Variants in SGCB observed in about 807,000 individuals in gnomAD.
SGCB encodes the protein beta-sarcoglycan.
A neutral mutation model predicts 27.3 loss-of-function variants in SGCB; 25 were observed. The ratio of observed to expected loss-of-function variants is 0.92; its 90% CI spans 0.67 to 1.28. The LOEUF (loss-of-function observed/expected upper bound fraction) is 1.28, where lower values mean the gene tolerates loss of function less well. Among genes scored for constraint, SGCB ranks in the 50% most tolerant of loss-of-function variants. SGCB has a pLI of 0.00. For synonymous variants in SGCB, 147 were observed against 133.5 expected (o/e 1.10, Z -0.70); for missense variants, 436 against 402.1 (o/e 1.08, Z -0.72).
Position 52,029,733 on chromosome 4 carries a change from C to A in SGCB, c.374G>T (p.Ser125Ile). Residue 125 changes from serine (S) to isoleucine (I), a missense_variant, in exon 3 of 6, where the codon AGC becomes ATC. Physicochemically the swap from Ser to Ile is moderately radical, Grantham distance 142. Coordinates refer to ENST00000381431, the MANE Select transcript of SGCB (RefSeq NM_000232.5). ...TTCATTTCGCCTTCCTCCTACTGTG[C>A]TTTTATAAAGAGGGTGGATCACTCC... ...DMGVIHPLYKSTVGGRRNENL... is the reference protein window; with the variant it reads ...DMGVIHPLYKITVGGRRNENL... The A allele has an allele frequency of 6.2e-7, 1 of 1,613,818 alleles. No individual in the cohort carries two copies. The highest frequency in any genetic ancestry group is 8.5e-7 in the Non-Finnish European group (1 of 1,179,860).
intron 1 of SGCB, among the ~76,000 whole-genome samples, chr4:52,036,063 T>A (rs948858273): frequency 6.6e-6 from 1 of 152,126 alleles, no homozygotes; most frequent in South Asian, 2.1e-4. Context: ...ACAGACAAGG[T>A]GACTAACAGT....
rs1408223045 is a variant in SGCB at position 52,023,999 on chromosome 4, C to T, written c.915G>A (p.Met305Ile). 2.5e-6 allele frequency: 4 copies of T among 1,614,148 alleles called. No individual in the cohort carries two copies. Among genetic ancestry groups the T allele is most frequent in the Non-Finnish European group, 3.4e-6 (4 of 1,180,022 alleles). ...AGGGGTTGTCTGAGATTTGGCAGCC[C>T]ATGTTCTGGCTGGTTACTTGCACCT... ...LFKVQVTSQN[M>I]GCQISDNPCG... is the part of the protein sequence containing the mutation. The change falls in exon 6 of 6, where the codon ATG becomes ATA. Residue 305 changes from methionine to isoleucine, a missense_variant. By Grantham distance (10) the Met-to-Ile change is conservative. Transcript: ENST00000381431.
intron 5 of SGCB, among the ~76,000 whole-genome samples, chr4:52,025,236 A>G (rs1017175515): frequency 2.0e-5 from 3 of 152,230 alleles, no homozygotes; most frequent in Non-Finnish European, 4.4e-5. Flanking sequence ...ACAGTAAAAC[A>G]CATAAGACAT....
chr4:52,027,053 C>T (rs933465510), intron 5 of SGCB, among the ~76,000 whole-genome samples: 1 of 152,116 alleles, frequency 6.6e-6, no homozygotes, highest in Non-Finnish European at 1.5e-5. Context: ...GGAAAAACTG[C>T]TTATAAAAGT....
rs1034260596 is a variant in SGCB at position 52,028,231 on chromosome 4, T to C, written c.622-132A>G. On this transcript the variant is annotated intron_variant, in intron 4 of 5. Coordinates refer to ENST00000381431, the MANE Select transcript of SGCB (RefSeq NM_000232.5). Reference sequence around the variant, plus strand: ...TGTTTCTATTAATGTTTTAGAGATGTGGAAATTGAGATAAAGATGACTTGA... The same window carrying C: ...TGTTTCTATTAATGTTTTAGAGATGCGGAAATTGAGATAAAGATGACTTGA... The C allele has an allele frequency of 1.7e-5, 12 of 708,480 alleles. No homozygotes were observed. The African/African-American group carries it at 2.0e-4, about 12-fold the overall frequency. 43.9% of individuals were successfully genotyped at this position (708,480 alleles called of 1,614,324 possible).
In SGCB at chr4:52,024,063, C is replaced by A. The variant is rs754115634; in HGVS notation, c.851G>T (p.Arg284Leu). Reference sequence around the variant, plus strand: ...ATCAGCACACATGCAGAGCTTGTAGCGTACCCAGTCACCACTACCCAACTG... The same window carrying A: ...ATCAGCACACATGCAGAGCTTGTAGAGTACCCAGTCACCACTACCCAACTG... ...GDQLGSGDWVRYKLCMCADGT... is the reference protein window; with the variant it reads ...GDQLGSGDWVLYKLCMCADGT... The change falls in exon 6 of 6, where the codon CGC becomes CTC. Residue 284 changes from arginine to leucine, a missense_variant. Arg to Leu is a moderately radical substitution (Grantham distance 102). Coordinates refer to ENST00000381431, the MANE Select transcript of SGCB (RefSeq NM_000232.5). The A allele has an allele frequency of 1.2e-6, 2 of 1,613,952 alleles. No individual in the cohort carries two copies. Among genetic ancestry groups the A allele is most frequent in the South Asian group, 1.1e-5 (1 of 91,068 alleles).
At chr4:52,031,379 C>T (rs2109373550) in intron 2 of SGCB, among the ~76,000 whole-genome samples, 2 of 149,692 alleles carry the variant, frequency 1.3e-5, no homozygotes, top group South Asian at 4.2e-4. Context: ...TCTACCCACC[C>T]ACCCATTCAT....
chr4:52,034,606 C>A (rs1254702275), intron 1 of SGCB, among the ~76,000 whole-genome samples: 2 of 151,812 alleles, frequency 1.3e-5, no homozygotes. Flanking sequence ...CTTTGGGGGT[C>A]CTGAGACCAA....
At chr4:52,034,562 A>G (rs188426167) in intron 1 of SGCB, among the ~76,000 whole-genome samples, 1 of 152,118 alleles carries the variant, frequency 6.6e-6, no homozygotes, top group East Asian at 1.9e-4. Context: ...ACCACTTTAT[A>G]TAAGGGACTT....
rs560677384 is a variant in SGCB, at chr4:52,034,114, G to A, written c.34-474C>T. Among the ~76,000 whole-genome samples, 12 of 151,422 alleles carry A rather than the reference G, an allele frequency of 7.9e-5. No individual in the cohort carries two copies. The South Asian group carries it at 2.1e-3, about 26-fold the overall frequency. ...TGGGAGGCTGAGGCGGGTGGATCAC[G>A]AGGTCAGGAGTTCAAGACCAGCCTG... On this transcript the variant is annotated intron_variant, in intron 1 of 5. Transcript: ENST00000381431.
At chr4:52,034,373 A>G (rs1366215984) in intron 1 of SGCB, among the ~76,000 whole-genome samples, 3 of 130,538 alleles carry the variant, frequency 2.3e-5, no homozygotes, top group African/African-American at 8.2e-5. Context: ...AAAAAAAAAA[A>G]AAAGGGAATG....
At position 52,020,839 on chromosome 4, in the gene SGCB, C is replaced by A. The variant is rs1183758091; in HGVS notation, c.*3118G>T. 2 of 152,108 alleles carry A rather than the reference C, an allele frequency of 1.3e-5. No individual in the cohort carries two copies. The highest frequency in any genetic ancestry group is 2.9e-5 in the Non-Finnish European group (2 of 67,944). The allele number at this position is 152,108 out of a possible 1,614,324, so 9.4% of individuals were successfully genotyped here. ...GTATACCATAATTGGTAATTTTTGC[C>A]CCCTCAATACTTTTAAGAAGACTGT... On this transcript the variant is annotated 3_prime_UTR_variant, in exon 6 of 6. Coordinates refer to ENST00000381431, the MANE Select transcript of SGCB (RefSeq NM_000232.5).
chr4:52,027,120 T>C (rs959259703), intron 5 of SGCB, among the ~76,000 whole-genome samples: 1 of 152,210 alleles, frequency 6.6e-6, no homozygotes, highest in African/African-American at 2.4e-5. Context: ...GAAATTTTTT[T>C]TAATAAGAAA....
At chr4:52,025,912 T>G (rs964072928) in intron 5 of SGCB, among the ~76,000 whole-genome samples, 2 of 152,188 alleles carry the variant, frequency 1.3e-5, no homozygotes, top group African/African-American at 4.8e-5. Flanking sequence ...AAGAAATGCA[T>G]GCTTGTGGGG....
In SGCB at chr4:52,038,299, T is replaced by G. The variant is rs756852806; in HGVS notation, c.-40A>C. 16 of 1,261,546 alleles carry G rather than the reference T, an allele frequency of 1.3e-5. No individual in the cohort carries two copies. In the South Asian group the frequency reaches 3.3e-4, roughly 26 times the overall value. 78.1% of individuals were successfully genotyped at this position (1,261,546 alleles called of 1,614,324 possible). On this transcript the variant is annotated 5_prime_UTR_variant, in exon 1 of 6. Coordinates refer to ENST00000381431, the MANE Select transcript of SGCB (RefSeq NM_000232.5). The stretch of plus-strand genomic sequence containing the variant: ...CGCCGCCGAGCTCCCCGCCCGACTG[T>G]GCCCGCCCCTCCGCGACCGCACCCT...
At chr4:52,029,021 T>A in intron 3 of SGCB, 100 bp from the exon 4 acceptor site, 2 of 862,240 alleles carry the variant, frequency 2.3e-6, no homozygotes, top group Non-Finnish European at 3.7e-6. Flanking sequence ...TACAGAAATT[T>A]AAAAACCCCA....
At position 52,038,285 on chromosome 4, in the gene SGCB, TC is replaced by T; in HGVS notation, c.-27del. The T allele has an allele frequency of 7.8e-7, 1 of 1,288,028 alleles. No individual in the cohort carries two copies. The highest frequency in any genetic ancestry group is 9.8e-7 in the Non-Finnish European group (1 of 1,016,306). 79.8% of individuals were successfully genotyped at this position (1,288,028 alleles called of 1,614,324 possible). A position where few individuals can be genotyped will look rare whatever the true frequency, so the allele number is the denominator to read the frequency against. ...CTTCCCGCGCCCGCCGCCGCCGAGC[TC>T]CCCGCCCGACTGTGCCCGCCCCTCC... On this transcript the variant is annotated 5_prime_UTR_variant, in exon 1 of 6. Coordinates refer to ENST00000381431, the MANE Select transcript of SGCB (RefSeq NM_000232.5).
chr4:52,028,955 T>G (rs747331279), intron 3 of SGCB, 34 bp from the exon 4 acceptor site: 1 of 1,529,118 alleles, frequency 6.5e-7, no homozygotes. Context: ...GAATATATTT[T>G]CAAAGAAGAC....
Position 52,038,233 on chromosome 4 carries a change from T to TGCA in SGCB, c.24_26dup (p.Ala9dup). On this transcript the variant is annotated inframe_insertion, in exon 1 of 6. Transcript: ENST00000381431. ...CGCGGCGGTACTCACAGACCTGTTC[T>TGCA]GCAGCCGCCGCCGCCGCTGCCGCCA... 7.8e-7 allele frequency: 1 copy of TGCA among 1,286,740 alleles called. No individual in the cohort carries two copies. Among genetic ancestry groups the TGCA allele is most frequent in the Non-Finnish European group, 9.9e-7 (1 of 1,013,070 alleles). The allele number at this position is 1,286,740 out of a possible 1,614,324, so 79.7% of individuals were successfully genotyped here. A position where few individuals can be genotyped will look rare whatever the true frequency, so the allele number is the denominator to read the frequency against.
Sources: allele counts gnomAD v4.1 joint callset (sites outside exome capture counted in the v4.1 genomes callset), GRCh38; gene constraint gnomAD v4.1.1; transcripts MANE v1.5; gene names NCBI Gene and HGNC (gene_info 2026-07-23, HGNC 2026-07-21).